STX19: variants seen among roughly 807,000 people sequenced by gnomAD.
STX19 encodes the protein syntaxin-19.
Under a neutral mutation model 24.3 loss-of-function variants are expected in STX19, and 26 were observed. The ratio of observed to expected loss-of-function variants is 1.07; its 90% CI spans 0.78 to 1.48. The LOEUF (loss-of-function observed/expected upper bound fraction) is 1.48, where lower values mean the gene tolerates loss of function less well. Among genes scored for constraint, STX19 ranks in the 40% most tolerant of loss-of-function variants. The pLI, the probability that STX19 is intolerant of heterozygous loss-of-function variation, is 0.00. For synonymous variants in STX19, 116 were observed against 106.9 expected (o/e 1.09, Z -0.52); for missense variants, 367 against 331.9 (o/e 1.11, Z -0.82).
At chr3:94,027,800 AATATT>A (rs2076588601) in intron 1 of STX19, among the ~76,000 whole-genome samples, 1 of 152,108 alleles carries the variant, frequency 6.6e-6, no homozygotes, top group South Asian at 2.1e-4. Context: ...TACTAGTTGA[AATATT>A]ATAAAGGTTA....
At chr3:94,028,122 A>T (rs1006530787) in intron 1 of STX19, among the ~76,000 whole-genome samples, 39 of 152,168 alleles carry the variant, frequency 2.6e-4, no homozygotes, top group Admixed American at 3.3e-4. Flanking sequence ...AGACTTAAAA[A>T]TTTTTTCTTT....
At chr3:94,023,197 C>T (rs1173009437) in intron 1 of STX19, among the ~76,000 whole-genome samples, 1 of 151,994 alleles carries the variant, frequency 6.6e-6, no homozygotes, top group Non-Finnish European at 1.5e-5. Flanking sequence ...TACTTGAATA[C>T]TATATTTTCT....
intron 1 of STX19, among the ~76,000 whole-genome samples, chr3:94,017,496 G>A (rs2076357542): frequency 6.6e-6 from 1 of 152,148 alleles, no homozygotes; most frequent in Admixed American, 6.5e-5. Flanking sequence ...TGGGTAAAAG[G>A]TTAAACCAAT....
rs567286245 is a variant in STX19 at position 94,024,571 on chromosome 3, C to A, written c.-14+3796G>T. On this transcript the variant is annotated intron_variant, in intron 1 of 1. Transcript: ENST00000315099. ...TTTTTATGACTGGAAAGATCTTTGTCCTTTTTTGGGCGTGTTGTTTTGTTT... is the reference window on the plus strand; with the variant it reads ...TTTTTATGACTGGAAAGATCTTTGTACTTTTTTGGGCGTGTTGTTTTGTTT... 2.0e-5 allele frequency among the ~76,000 whole-genome samples: 3 copies of A among 152,138 alleles called. No individual in the cohort carries two copies. In the South Asian group the frequency reaches 6.2e-4, roughly 32 times the overall value.
intron 1 of STX19, among the ~76,000 whole-genome samples, chr3:94,025,707 C>A (rs1226769712): frequency 1.3e-5 from 2 of 152,132 alleles, no homozygotes; most frequent in Non-Finnish European, 2.9e-5. Context: ...GAGTTTGCCC[C>A]TTGTAGCCCA....
intron 1 of STX19, among the ~76,000 whole-genome samples, chr3:94,026,725 T>C (rs369152034): frequency 6.6e-6 from 1 of 152,212 alleles, no homozygotes. Context: ...CAGTCTGTTA[T>C]GTACCTTAAA....
chr3:94,024,159 G>A (rs1006232229), intron 1 of STX19, among the ~76,000 whole-genome samples: 11 of 152,250 alleles, frequency 7.2e-5, no homozygotes, highest in African/African-American at 2.2e-4. Flanking sequence ...AATAGAGAAA[G>A]GATCTCGCTC....
At chr3:94,019,434 AT>A (rs1424637140) in intron 1 of STX19, among the ~76,000 whole-genome samples, 2 of 151,882 alleles carry the variant, frequency 1.3e-5, no homozygotes, top group East Asian at 3.9e-4. Context: ...TGACCTCATG[AT>A]CCGCCCATCT....
chr3:94,018,877 T>C (rs931186557), intron 1 of STX19, among the ~76,000 whole-genome samples: 3 of 152,126 alleles, frequency 2.0e-5, no homozygotes, highest in Non-Finnish European at 4.4e-5. Context: ...GCAATTCTCC[T>C]GCCTCAGCCT....
chr3:94,016,739 C>A (rs1160110719), intron 1 of STX19, among the ~76,000 whole-genome samples: 1 of 151,788 alleles, frequency 6.6e-6, no homozygotes, highest in Non-Finnish European at 1.5e-5. Context: ...TTCTGCCTCC[C>A]GGGTTTAAGT....
intron 1 of STX19, among the ~76,000 whole-genome samples, chr3:94,026,090 G>A (rs539823758): frequency 2.0e-5 from 3 of 151,250 alleles, no homozygotes; most frequent in East Asian, 3.9e-4. Context: ...CACCATCTCG[G>A]CTCACTGCAA....
intron 1 of STX19, among the ~76,000 whole-genome samples, chr3:94,022,037 T>A (rs1575997301): frequency 6.6e-6 from 1 of 152,312 alleles, no homozygotes; most frequent in Admixed American, 6.5e-5. Flanking sequence ...AAGGCAGTCA[T>A]TTTCAGCTCC....
In STX19 at chr3:94,014,646, T is replaced by TTGG. The variant is rs777104249; in HGVS notation, c.623_624insCCA (p.Ala207_Gln208insHis). On this transcript the variant is annotated inframe_insertion, in exon 2 of 2. Transcript: ENST00000315099. Reference sequence around the variant, plus strand: ...TGTGTCTCTGTTCAATCTCTGAAAGTTGTGCTTTAGTGATATTGATTTCTG... The same window carrying TTGG: ...TGTGTCTCTGTTCAATCTCTGAAAGTTGGTGTGCTTTAGTGATATTGATTTCTG... 8 of 1,613,636 alleles carry TTGG rather than the reference T, an allele frequency of 5.0e-6. No individual in the cohort carries two copies. The highest frequency in any genetic ancestry group is 6.8e-6 in the Non-Finnish European group (8 of 1,179,948).
chr3:94,020,045 G>A (rs2076416061), intron 1 of STX19, among the ~76,000 whole-genome samples: 1 of 152,074 alleles, frequency 6.6e-6, no homozygotes, highest in Non-Finnish European at 1.5e-5. Flanking sequence ...AACATACCAT[G>A]TATTTTACTT....
At chr3:94,021,991 C>G (rs1428778840) in intron 1 of STX19, among the ~76,000 whole-genome samples, 1 of 152,132 alleles carries the variant, frequency 6.6e-6, no homozygotes, top group Non-Finnish European at 1.5e-5. Flanking sequence ...GTACCACATC[C>G]CCTTTCCAAT....
chr3:94,015,130 G>C lies in STX19; in HGVS notation c.140C>G (p.Ala47Gly). ...TTGGATTTCATGTAGGTGTCTCTCA[G>C]CTACAGGCTCTCTTTCATAAATAAC... ...QAVIYEREPV[A>G]ERHLHEIQKL... The change falls in exon 2 of 2, where the codon GCT becomes GGT. Residue 47 changes from alanine (A) to glycine (G), a missense_variant. Coordinates refer to ENST00000315099, the MANE Select transcript of STX19 (RefSeq NM_001001850.3). The C allele has an allele frequency of 6.2e-7, 1 of 1,613,938 alleles. No homozygotes were observed. The highest frequency in any genetic ancestry group is 8.5e-7 in the Non-Finnish European group (1 of 1,179,936).
In STX19 at chr3:94,014,756, C is replaced by T; in HGVS notation, c.514G>A (p.Val172Ile). ...TCTTCAGACATCTCTTTTCCAGCAA[C>T]TTCAAGCTGACGTAAAATAAATGTC... ...CKTFILRQLE[V>I]AGKEMSEEDV... Residue 172 changes from valine (V) to isoleucine (I), a missense_variant, in exon 2 of 2, where the codon GTT (valine) becomes ATT (isoleucine). Val to Ile is a conservative substitution (Grantham distance 29, BLOSUM62 3). Transcript: ENST00000315099. The T allele has an allele frequency of 6.2e-7, 1 of 1,613,526 alleles. No individual in the cohort carries two copies.
chr3:94,023,943 G>A (rs1259560464), intron 1 of STX19, among the ~76,000 whole-genome samples: 1 of 152,020 alleles, frequency 6.6e-6, no homozygotes, highest in Non-Finnish European at 1.5e-5. Context: ...CACTATAAAA[G>A]AAGAAAAATA....
chr3:94,026,169 G>T (rs1174575504), intron 1 of STX19, among the ~76,000 whole-genome samples: 1 of 152,014 alleles, frequency 6.6e-6, no homozygotes, highest in Admixed American at 6.6e-5. Context: ...ACAGGCGCCC[G>T]CCACCACACC....
Sources: allele counts gnomAD v4.1 joint callset (sites outside exome capture counted in the v4.1 genomes callset), GRCh38; gene constraint gnomAD v4.1.1; transcripts MANE v1.5; gene names NCBI Gene and HGNC (gene_info 2026-07-23, HGNC 2026-07-21).